Variants in ZFAND3 observed in about 807,000 individuals in gnomAD.
ZFAND3 encodes the protein AN1-type zinc finger protein 3.
Under a neutral mutation model 29.6 loss-of-function variants are expected in ZFAND3, and 10 were observed. The observed-to-expected ratio is 0.34, with a 90% CI of 0.21 to 0.57. The LOEUF is 0.57. Ranked by LOEUF, ZFAND3 falls within the 20% of genes least tolerant of loss-of-function variation. ZFAND3 has a pLI of 0.86. For synonymous variants in ZFAND3, 128 were observed against 112.6 expected (o/e 1.14, Z -0.87); for missense variants, 230 against 304.5 (o/e 0.76, Z 1.82).
intron 2 of ZFAND3, among the ~76,000 whole-genome samples, chr6:38,025,897 G>A (rs908463953): frequency 6.6e-6 from 1 of 152,208 alleles, no homozygotes; most frequent in Non-Finnish European, 1.5e-5. Context: ...AAGGGAATGA[G>A]TGGTCCTTGC....
intron 2 of ZFAND3, among the ~76,000 whole-genome samples, chr6:38,041,301 A>G (rs1452963008): frequency 1.3e-5 from 2 of 152,144 alleles, no homozygotes; most frequent in African/African-American, 4.8e-5. Context: ...GAAATTGTGG[A>G]AGATACTTTG....
intron 2 of ZFAND3, among the ~76,000 whole-genome samples, chr6:37,940,418 G>A (rs1581778849): frequency 6.6e-6 from 1 of 152,110 alleles, no homozygotes; most frequent in Admixed American, 6.5e-5. Context: ...TTATTTTTGG[G>A]CCATTAATGT....
At chr6:38,127,120 A>C (rs1002913250) in intron 5 of ZFAND3, among the ~76,000 whole-genome samples, 1 of 152,092 alleles carries the variant, frequency 6.6e-6, no homozygotes, top group Non-Finnish European at 1.5e-5. Context: ...TTGCACCTCC[A>C]GCATAATGTT....
intron 4 of ZFAND3, among the ~76,000 whole-genome samples, chr6:38,106,543 T>C (rs1280444269): frequency 6.6e-6 from 1 of 152,226 alleles, no homozygotes. Flanking sequence ...CCTGGAAATA[T>C]AGTAATTAAA....
chr6:38,055,133 A>G (rs955599227), intron 2 of ZFAND3, among the ~76,000 whole-genome samples: 2 of 152,176 alleles, frequency 1.3e-5, no homozygotes, highest in Non-Finnish European at 2.9e-5. Context: ...GAGATATGGG[A>G]AATGAATTTT....
chr6:37,898,646 A>G (rs1765262451), intron 1 of ZFAND3, among the ~76,000 whole-genome samples: 1 of 152,194 alleles, frequency 6.6e-6, no homozygotes, highest in South Asian at 2.1e-4. Context: ...TATAATTTTC[A>G]GTGTAGCAAC....
At chr6:38,042,017 G>A (rs1358297743) in intron 2 of ZFAND3, among the ~76,000 whole-genome samples, 1 of 148,674 alleles carries the variant, frequency 6.7e-6, no homozygotes, top group Non-Finnish European at 1.5e-5. Context: ...TGGGGGGGAG[G>A]GGGAGAGACA....
At chr6:37,850,693 G>A (rs72849369) in intron 1 of ZFAND3, among the ~76,000 whole-genome samples, 9,997 of 152,218 alleles carry the variant, frequency 0.066, 404 homozygotes, top group Non-Finnish European at 0.094. Flanking sequence ...ACACTGTATG[G>A]TGTTTGCACA....
At chr6:38,114,619 A>G (rs1232074124) in intron 4 of ZFAND3, among the ~76,000 whole-genome samples, 10 of 152,230 alleles carry the variant, frequency 6.6e-5, no homozygotes, top group Non-Finnish European at 1.3e-4. Context: ...AGTACAGCAC[A>G]GCAGGGCTGG....
At chr6:37,909,638 TTG>T (rs1400556181) in intron 1 of ZFAND3, among the ~76,000 whole-genome samples, 38 of 146,452 alleles carry the variant, frequency 2.6e-4, no homozygotes, top group African/African-American at 9.3e-4. Flanking sequence ...TTTTTTTTTT[TTG>T]ATGTTTTGCT....
chr6:38,027,086 G>T (rs1642837286), intron 2 of ZFAND3, among the ~76,000 whole-genome samples: 1 of 152,198 alleles, frequency 6.6e-6, no homozygotes. Context: ...AGGGCTCTAA[G>T]GACACAGGTT....
intron 2 of ZFAND3, among the ~76,000 whole-genome samples, chr6:38,060,666 G>A (rs757551898): frequency 5.9e-5 from 9 of 151,970 alleles, no homozygotes; most frequent in African/African-American, 1.2e-4. Flanking sequence ...GCCCATGTTC[G>A]TCTCAAACTT....
intron 2 of ZFAND3, among the ~76,000 whole-genome samples, chr6:38,031,839 C>T (rs185577571): frequency 6.6e-6 from 1 of 150,840 alleles, no homozygotes; most frequent in Non-Finnish European, 1.5e-5. Context: ...CCCCTCCCCC[C>T]CCGCCCCACG....
chr6:37,861,958 G>A (rs1764500609), intron 1 of ZFAND3, among the ~76,000 whole-genome samples: 1 of 152,094 alleles, frequency 6.6e-6, no homozygotes, highest in South Asian at 2.1e-4. Context: ...ATCTTTCCCA[G>A]TGTTGTCACT....
At chr6:38,046,200 T>C (rs1338384193) in intron 2 of ZFAND3, among the ~76,000 whole-genome samples, 1 of 152,190 alleles carries the variant, frequency 6.6e-6, no homozygotes, top group Non-Finnish European at 1.5e-5. Context: ...AAAAAAATTA[T>C]AAAGGATTTT....
At chr6:38,100,566 C>T (rs1436865436) in intron 4 of ZFAND3, among the ~76,000 whole-genome samples, 2 of 152,154 alleles carry the variant, frequency 1.3e-5, no homozygotes, top group South Asian at 2.1e-4. Context: ...ACTGCAAACC[C>T]GGAGAAGCAT....
intron 4 of ZFAND3, among the ~76,000 whole-genome samples, chr6:38,104,648 G>A (rs1315472774): frequency 6.6e-6 from 1 of 152,042 alleles, no homozygotes; most frequent in Non-Finnish European, 1.5e-5. Flanking sequence ...TAGCAGGAGT[G>A]GAAAGAAAAT....
At position 38,147,140 on chromosome 6, in the gene ZFAND3, C is replaced by T. The variant is rs1011764968; in HGVS notation, c.530-5095C>T. On this transcript the variant is annotated intron_variant, in intron 5 of 5. Coordinates refer to ENST00000287218, the MANE Select transcript of ZFAND3 (RefSeq NM_021943.3). ...TACCCTTTAATCCACTTCTCTTCAT[C>T]CTCCTCCCTCTCCACATTCACCCTC... Among the ~76,000 whole-genome samples, 7 of 152,290 alleles carry T rather than the reference C, an allele frequency of 4.6e-5. No individual in the cohort carries two copies. In the East Asian group the frequency reaches 1.3e-3, roughly 29 times the overall value.
chr6:38,022,761 G>C (rs1205332168), intron 2 of ZFAND3, among the ~76,000 whole-genome samples: 1 of 152,204 alleles, frequency 6.6e-6, no homozygotes, highest in Non-Finnish European at 1.5e-5. Flanking sequence ...TCTAAGAGCA[G>C]ATAGGTAAAT....
Sources: allele counts gnomAD v4.1 joint callset (sites outside exome capture counted in the v4.1 genomes callset), GRCh38; gene constraint gnomAD v4.1.1; transcripts MANE v1.5; gene names NCBI Gene and HGNC (gene_info 2026-07-23, HGNC 2026-07-21).